Variants in DCLK1 observed in about 807,000 individuals in gnomAD.
DCLK1 encodes serine/threonine-protein kinase DCLK1.
DCLK1 carries 16 observed loss-of-function variants against 86.2 expected under a neutral mutation model. The ratio of observed to expected loss-of-function variants is 0.19; its 90% CI spans 0.13 to 0.28. The LOEUF is 0.28. Among genes scored for constraint, DCLK1 ranks in the 10% least tolerant of loss-of-function variants. DCLK1 has a pLI of 1.00. For synonymous variants in DCLK1, 369 were observed against 370.5 expected (o/e 1.00, Z 0.05); for missense variants, 590 against 940.2 (o/e 0.63, Z 4.87).
In DCLK1 at chr13:35,850,104, G is replaced by A. The variant is rs547159909; in HGVS notation, c.1035+4395C>T. ...CTTCAGAGTCTTTATGAGATGTGTCGTTGTCATAATTTTTCTTTTTCTCTC... is the reference window on the plus strand; with the variant it reads ...CTTCAGAGTCTTTATGAGATGTGTCATTGTCATAATTTTTCTTTTTCTCTC... On this transcript the variant is annotated intron_variant, in intron 6 of 16. Coordinates refer to ENST00000360631, the MANE Select transcript of DCLK1 (RefSeq NM_001330071.2). The A allele has an allele frequency of 3.8e-5, 37 of 984,478 alleles. No individual in the cohort carries two copies. In the East Asian group the frequency reaches 4.5e-4, roughly 12 times the overall value. The allele number at this position is 984,478 out of a possible 1,614,324, so 61.0% of individuals were successfully genotyped here.
intron 6 of DCLK1, among the ~76,000 whole-genome samples, chr13:35,840,242 A>G (rs1414891986): frequency 6.6e-6 from 1 of 152,188 alleles, no homozygotes; most frequent in Non-Finnish European, 1.5e-5. Flanking sequence ...ATTCAGCCTT[A>G]AAGTATGTAC....
At chr13:36,012,430 C>A (rs1881315979) in intron 3 of DCLK1, among the ~76,000 whole-genome samples, 1 of 151,046 alleles carries the variant, frequency 6.6e-6, no homozygotes, top group African/African-American at 2.4e-5. Context: ...CTGGTGGTGA[C>A]AAAATCTCTC....
intron 3 of DCLK1, among the ~76,000 whole-genome samples, chr13:36,040,745 C>T (rs539946512): frequency 6.6e-6 from 1 of 152,118 alleles, no homozygotes; most frequent in South Asian, 2.1e-4. Context: ...ATTTATCTCT[C>T]CTCCCCCACT....
intron 2 of DCLK1, among the ~76,000 whole-genome samples, chr13:36,119,336 G>A (rs187701568): frequency 2.6e-5 from 4 of 152,022 alleles, no homozygotes; most frequent in African/African-American, 9.7e-5. Context: ...TTAGAAATTT[G>A]GAAAGTAAAG....
intron 4 of DCLK1, among the ~76,000 whole-genome samples, chr13:35,888,777 G>A (rs950509242): frequency 1.3e-5 from 2 of 152,152 alleles, no homozygotes; most frequent in Non-Finnish European, 2.9e-5. Context: ...GGCAGTTATC[G>A]TTGGCTAAGT....
intron 5 of DCLK1, among the ~76,000 whole-genome samples, chr13:35,861,237 A>G (rs1292921553): frequency 6.6e-6 from 1 of 150,556 alleles, no homozygotes. Flanking sequence ...TTTGGGGTAC[A>G]AGAAAAAAAA....
chr13:36,041,322 C>G (rs2153155242), intron 3 of DCLK1, among the ~76,000 whole-genome samples: 1 of 152,318 alleles, frequency 6.6e-6, no homozygotes, highest in Admixed American at 6.5e-5. Flanking sequence ...GAGTACCTGG[C>G]TTCCACCATC....
rs1187926790 is a variant in DCLK1, at chr13:35,769,287, A to G, written c.*5248T>C. The G allele has an allele frequency of 1.1e-4, 17 of 152,272 alleles. No homozygotes were observed. 9.4% of individuals were successfully genotyped at this position (152,272 alleles called of 1,614,324 possible). On this transcript the variant is annotated 3_prime_UTR_variant, in exon 17 of 17. Coordinates refer to ENST00000360631, the MANE Select transcript of DCLK1 (RefSeq NM_001330071.2). Reference sequence around the variant, plus strand: ...TTCAGTATTTTCAAAAGAAATATTGAATTTTTTTCTTGAGTCAAATTGAAA... The same window carrying G: ...TTCAGTATTTTCAAAAGAAATATTGGATTTTTTTCTTGAGTCAAATTGAAA...
chr13:35,829,916 C>T (rs564047726), intron 8 of DCLK1, among the ~76,000 whole-genome samples: 2 of 152,154 alleles, frequency 1.3e-5, no homozygotes, highest in African/African-American at 4.8e-5. Flanking sequence ...GTTGATCTTT[C>T]AACAAAGACT....
At chr13:35,801,765 A>T (rs1260660162) in intron 15 of DCLK1, among the ~76,000 whole-genome samples, 2 of 152,210 alleles carry the variant, frequency 1.3e-5, no homozygotes, top group Admixed American at 1.3e-4. Flanking sequence ...CACTGGTAAC[A>T]GCCAGAAGCC....
At chr13:36,121,654 T>C (rs77285125) in intron 2 of DCLK1, among the ~76,000 whole-genome samples, 3,513 of 152,348 alleles carry the variant, frequency 0.023, 117 homozygotes, top group African/African-American at 0.08. Flanking sequence ...ATCATAGGTA[T>C]GTATTCACAG....
At chr13:35,814,102 G>C (rs1480610759) in intron 11 of DCLK1, among the ~76,000 whole-genome samples, 1 of 152,054 alleles carries the variant, frequency 6.6e-6, no homozygotes, top group Non-Finnish European at 1.5e-5. Context: ...CTCTCTCAAC[G>C]GGGACTCTTC....
chr13:35,998,233 A>G (rs1224915761), intron 3 of DCLK1, among the ~76,000 whole-genome samples: 2 of 152,220 alleles, frequency 1.3e-5, no homozygotes, highest in Non-Finnish European at 2.9e-5. Context: ...AAACTACGAC[A>G]CAATACACTC....
intron 6 of DCLK1, among the ~76,000 whole-genome samples, chr13:35,842,134 C>T (rs949890602): frequency 2.1e-5 from 3 of 139,856 alleles, no homozygotes; most frequent in Non-Finnish European, 4.5e-5. Context: ...GAGGCTGAGG[C>T]AGGAGAATGG....
At chr13:35,862,894 G>A (rs1036104446) in intron 5 of DCLK1, among the ~76,000 whole-genome samples, 1 of 120,698 alleles carries the variant, frequency 8.3e-6, no homozygotes, top group Non-Finnish European at 1.8e-5. Flanking sequence ...CACTATTATA[G>A]TTACATGCAT....
chr13:35,860,636 C>A (rs1036346683), intron 5 of DCLK1, among the ~76,000 whole-genome samples: 4 of 152,174 alleles, frequency 2.6e-5, no homozygotes, highest in Non-Finnish European at 5.9e-5. Flanking sequence ...ATTTAGGCAA[C>A]AGCTCCTAGT....
At chr13:35,821,363 G>T (rs1210242812) in intron 11 of DCLK1, among the ~76,000 whole-genome samples, 2 of 152,094 alleles carry the variant, frequency 1.3e-5, no homozygotes, top group Non-Finnish European at 2.9e-5. Flanking sequence ...TGTGTATGCG[G>T]GTTACCTGGG....
At chr13:35,935,960 CATTAAAGTAGATGA>C (rs1876729072) in intron 4 of DCLK1, among the ~76,000 whole-genome samples, 1 of 151,992 alleles carries the variant, frequency 6.6e-6, no homozygotes. Context: ...TTGCTAAAGC[CATTAAAGTAGATGA>C]ACTTGGCTAG....
intron 2 of DCLK1, among the ~76,000 whole-genome samples, chr13:36,112,972 A>C (rs557309995): frequency 6.6e-6 from 1 of 152,224 alleles, no homozygotes; most frequent in African/African-American, 2.4e-5. Flanking sequence ...CACACACACA[A>C]AAAAGAAAAA....
Sources: gnomAD v4.1 joint callset for allele counts (sites outside exome capture counted in the v4.1 genomes callset) on GRCh38, gnomAD v4.1.1 for gene constraint, MANE v1.5 for transcripts, NCBI Gene and HGNC (gene_info 2026-07-23, HGNC 2026-07-21) for gene names.